The following CEP57L1 variants were observed in gnomAD, a reference collection of about 807,000 sequenced individuals.
CEP57L1 encodes the protein centrosomal protein CEP57L1.
Under a neutral mutation model 61.0 loss-of-function variants are expected in CEP57L1, and 37 were observed. That is an observed-to-expected ratio of 0.61 (90% CI 0.47 to 0.80). The LOEUF is 0.80. Among genes scored for constraint, CEP57L1 ranks in the 30% least tolerant of loss-of-function variants. CEP57L1 has a pLI of 0.00. For missense variants in CEP57L1, 422 were observed against 524.7 expected, an observed-to-expected ratio of 0.80 and a Z score of 1.91; for synonymous variants, 137 against 162.3, an observed-to-expected ratio of 0.84 and a Z score of 1.19.
intron 1 of CEP57L1, among the ~76,000 whole-genome samples, chr6:109,099,036 T>C (rs1012273199): frequency 5.3e-5 from 8 of 152,324 alleles, no homozygotes; most frequent in Middle Eastern, 3.4e-3. Flanking sequence ...TGGGAAAATC[T>C]GCAGATTTGT....
chr6:109,158,932 G>A lies in CEP57L1; in HGVS notation c.745-93G>A, dbSNP rs902163449. On this transcript the variant is annotated intron_variant, in intron 7 of 10. Transcript: ENST00000517392. Reference sequence around the variant, plus strand: ...CATGTCTTTTGCCCATTTTCCAGTTGCATTGTTTTCTGTTGAGTTTTGAGA... The same window carrying A: ...CATGTCTTTTGCCCATTTTCCAGTTACATTGTTTTCTGTTGAGTTTTGAGA... 3 of 1,270,242 alleles carry A rather than the reference G, an allele frequency of 2.4e-6. No individual in the cohort carries two copies. In the African/African-American group the frequency reaches 4.5e-5, roughly 19 times the overall value. 78.7% of individuals were successfully genotyped at this position (1,270,242 alleles called of 1,614,324 possible).
At chr6:109,114,328 G>C (rs889455389) in intron 1 of CEP57L1, among the ~76,000 whole-genome samples, 10 of 152,042 alleles carry the variant, frequency 6.6e-5, no homozygotes, top group African/African-American at 2.4e-4. Context: ...ACATTTTAAA[G>C]TATATATCTG....
rs751724541 is a variant in CEP57L1 at position 109,167,420 on chromosome 6, C to T, written c.*4450C>T. Among the ~76,000 whole-genome samples the T allele has an allele frequency of 2.0e-5, 3 of 151,886 alleles. No individual in the cohort carries two copies. Among genetic ancestry groups the T allele is most frequent in the East Asian group, 3.9e-4 (2 of 5,172 alleles). On this transcript the variant is annotated 3_prime_UTR_variant, in exon 11 of 11. Coordinates refer to ENST00000517392, the MANE Select transcript of CEP57L1 (RefSeq NM_001271852.3). The stretch of plus-strand genomic sequence containing the variant: ...ATTTGGGGCTGAGCACTGTGTCTTA[C>T]GCCTGTAATCCCAGCACTGTGAGAG...
At chr6:109,118,187 C>A (rs763979107) in intron 1 of CEP57L1, among the ~76,000 whole-genome samples, 1 of 152,156 alleles carries the variant, frequency 6.6e-6, no homozygotes, top group Non-Finnish European at 1.5e-5. Context: ...AGGCGCCCAC[C>A]ACCAACTCCA....
chr6:109,107,069 C>G (rs1771026244), intron 1 of CEP57L1, among the ~76,000 whole-genome samples: 1 of 152,184 alleles, frequency 6.6e-6, no homozygotes, highest in Non-Finnish European at 1.5e-5. Context: ...TCAATTTAGT[C>G]TATCATTTTA....
At chr6:109,158,700 G>A (rs1773447084) in intron 7 of CEP57L1, 3 of 484,434 alleles carry the variant, frequency 6.2e-6, no homozygotes, top group South Asian at 1.6e-5. Context: ...GTACCATTTT[G>A]TATTCCCACC....
upstream of CEP57L1, chr6:109,095,344 C>G (rs1781552677): frequency 3.0e-6 from 3 of 985,850 alleles, no homozygotes; most frequent in Admixed American, 6.1e-5. Flanking sequence ...GAAATTGAGT[C>G]TACATTTAAG....
intron 1 of CEP57L1, among the ~76,000 whole-genome samples, chr6:109,131,698 T>G (rs1036964009): frequency 3.3e-5 from 5 of 151,954 alleles, no homozygotes; most frequent in Non-Finnish European, 7.4e-5. Flanking sequence ...AAAATTTTTT[T>G]AAGTATGCTT....
chr6:109,129,227 A>T (rs1773915530), intron 1 of CEP57L1: 1 of 491,770 alleles, frequency 2.0e-6, no homozygotes, highest in Non-Finnish European at 2.8e-6. Context: ...AACTAACTGG[A>T]AACTCCAAAT....
intron 1 of CEP57L1, among the ~76,000 whole-genome samples, chr6:109,104,567 T>C (rs1770693157): frequency 6.6e-6 from 1 of 152,038 alleles, no homozygotes; most frequent in African/African-American, 2.4e-5. Flanking sequence ...GCGTGTTTTT[T>C]TGTTTGTTTT....
At chr6:109,162,625 G>C (rs955295287) in intron 10 of CEP57L1, 124 bp from the exon 11 acceptor site, 43 of 655,688 alleles carry the variant, frequency 6.6e-5, no homozygotes, top group Middle Eastern at 8.5e-4. Context: ...AAAACTTAAT[G>C]AATTGAATTT....
intron 4 of CEP57L1, 22 bp from the exon 5 acceptor site, chr6:109,153,811 A>G (rs751907695): frequency 1.4e-6 from 2 of 1,469,474 alleles, no homozygotes; most frequent in East Asian, 2.3e-5. Context: ...CAGGGTTGCT[A>G]TTTTATTTTT....
intron 7 of CEP57L1, chr6:109,158,608 C>T (rs774161898): frequency 1.7e-5 from 8 of 457,678 alleles, no homozygotes; most frequent in Admixed American, 4.7e-5. Context: ...AGGATAAATG[C>T]GTAAGAGAAC....
chr6:109,108,359 C>T (rs1771183831), intron 1 of CEP57L1, among the ~76,000 whole-genome samples: 1 of 151,410 alleles, frequency 6.6e-6, no homozygotes, highest in South Asian at 2.1e-4. Flanking sequence ...TCCTGCCTCA[C>T]CTGCCACCAC....
chr6:109,164,428 A>T lies in CEP57L1; in HGVS notation c.*1458A>T, dbSNP rs1382005899. ...TGTCCTTGAAAGTAGTTAATGGCAG[A>T]GATCAAAATTTCCTCCTGTTGTAAA... On this transcript the variant is annotated 3_prime_UTR_variant, in exon 11 of 11. Coordinates refer to ENST00000517392, the MANE Select transcript of CEP57L1 (RefSeq NM_001271852.3). Among the ~76,000 whole-genome samples, 1 of 152,194 alleles carries T rather than the reference A, an allele frequency of 6.6e-6. No individual in the cohort carries two copies. The highest frequency in any genetic ancestry group is 1.9e-4 in the East Asian group (1 of 5,178).
rs752366332 is a variant in CEP57L1 at position 109,145,390 on chromosome 6, G to A, written c.160+9G>A. ...TAGCCCAAATAGCCAAGGTAATGCT[G>A]ATATAAAATTTGAAGAATGGTAAAA... On this transcript the variant is annotated intron_variant, in intron 2 of 10. Transcript: ENST00000517392. 5 of 1,516,906 alleles carry A rather than the reference G, an allele frequency of 3.3e-6. No individual in the cohort carries two copies. The Admixed American group carries it at 8.4e-5, about 25-fold the overall frequency. 94.0% of individuals were successfully genotyped at this position (1,516,906 alleles called of 1,614,324 possible).
chr6:109,127,151 C>T (rs899103592), intron 1 of CEP57L1, among the ~76,000 whole-genome samples: 2 of 152,028 alleles, frequency 1.3e-5, no homozygotes, highest in South Asian at 2.1e-4. Flanking sequence ...GGCGACAGAG[C>T]GAAACTCCGT....
Position 109,171,803 on chromosome 6 carries a change from C to G in CEP57L1, c.*8833C>G, listed in dbSNP as rs1240339502. On this transcript the variant is annotated 3_prime_UTR_variant, in exon 11 of 11. Coordinates refer to ENST00000517392, the MANE Select transcript of CEP57L1 (RefSeq NM_001271852.3). ...CAGTTTCCTCAGATAATCATCATAT[C>G]AGAGGTCATCATGTATCCTTAGATA... is the stretch of plus-strand genomic sequence containing the variant. Among the ~76,000 whole-genome samples the G allele has an allele frequency of 6.6e-6, 1 of 152,318 alleles. No homozygotes were observed. The highest frequency in any genetic ancestry group is 1.5e-5 in the Non-Finnish European group (1 of 68,030).
At chr6:109,158,399 G>T (rs1349802246) in intron 7 of CEP57L1, 3 of 286,888 alleles carry the variant, frequency 1.0e-5, no homozygotes, top group African/African-American at 6.9e-5. Context: ...AAAAGCAGGA[G>T]AATCGCTTGA....
Sources: gnomAD v4.1 joint callset for allele counts (sites outside exome capture counted in the v4.1 genomes callset) on GRCh38, gnomAD v4.1.1 for gene constraint, MANE v1.5 for transcripts, NCBI Gene and HGNC (gene_info 2026-07-23, HGNC 2026-07-21) for gene names.